Variants in STAU2 observed in about 807,000 individuals in gnomAD.
STAU2 encodes the protein staufen double-stranded RNA binding protein 2.
STAU2 carries 20 observed loss-of-function variants against 65.9 expected under a neutral mutation model. That is an observed-to-expected ratio of 0.30 (90% CI 0.21 to 0.44). The LOEUF (loss-of-function observed/expected upper bound fraction) is 0.44, where lower values mean the gene tolerates loss of function less well. Ranked by LOEUF, STAU2 falls within the 20% of genes least tolerant of loss-of-function variation. STAU2 has a pLI of 1.00. For missense variants in STAU2, 558 were observed against 683.9 expected (o/e 0.82, Z 2.05); for synonymous variants, 232 against 233.9 (o/e 0.99, Z 0.07).
At chr8:73,497,868 A>G (rs1821510778) in intron 13 of STAU2, among the ~76,000 whole-genome samples, 1 of 151,826 alleles carries the variant, frequency 6.6e-6, no homozygotes, top group African/African-American at 2.4e-5. Context: ...ATTATTTCTT[A>G]AAAAGAAGTG....
At chr8:73,464,739 G>T (rs1194565148) in intron 13 of STAU2, among the ~76,000 whole-genome samples, 1 of 152,304 alleles carries the variant, frequency 6.6e-6, no homozygotes, top group South Asian at 2.1e-4. Context: ...TCAAAGGAAA[G>T]ATTATAAAAG....
intron 6 of STAU2, among the ~76,000 whole-genome samples, chr8:73,635,359 G>A (rs1814409641): frequency 6.6e-6 from 1 of 152,132 alleles, no homozygotes; most frequent in Non-Finnish European, 1.5e-5. Flanking sequence ...GAACAGCATA[G>A]GATGCATTTC....
At chr8:73,538,656 C>A (rs1806333008) in intron 13 of STAU2, among the ~76,000 whole-genome samples, 1 of 45,478 alleles carries the variant, frequency 2.2e-5, no homozygotes, top group Non-Finnish European at 7.3e-5. Flanking sequence ...TAAAAGCTTT[C>A]TCCTTAAGTC....
At chr8:73,557,722 C>T (rs1195907459) in intron 12 of STAU2, among the ~76,000 whole-genome samples, 1 of 152,200 alleles carries the variant, frequency 6.6e-6, no homozygotes, top group Non-Finnish European at 1.5e-5. Context: ...TCTTTGACCT[C>T]AATTTTGCTC....
intron 13 of STAU2, among the ~76,000 whole-genome samples, chr8:73,540,265 T>A (rs967591609): frequency 6.6e-6 from 1 of 152,102 alleles, no homozygotes; most frequent in Non-Finnish European, 1.5e-5. Flanking sequence ...AGAATACACA[T>A]ACACAAAGGA....
intron 13 of STAU2, among the ~76,000 whole-genome samples, chr8:73,468,330 A>G (rs1260882178): frequency 6.6e-6 from 1 of 152,172 alleles, no homozygotes; most frequent in African/African-American, 2.4e-5. Context: ...GACTTAAATG[A>G]TAGACTAAAA....
intron 4 of STAU2, among the ~76,000 whole-genome samples, chr8:73,703,019 C>T (rs1724512899): frequency 6.6e-6 from 1 of 152,174 alleles, no homozygotes; most frequent in South Asian, 2.1e-4. Flanking sequence ...ACCTGCTATA[C>T]ATTCCTGACA....
At chr8:73,553,903 T>C (rs901839153) in intron 12 of STAU2, among the ~76,000 whole-genome samples, 23 of 152,190 alleles carry the variant, frequency 1.5e-4, no homozygotes, top group African/African-American at 5.3e-4. Flanking sequence ...GTAAATCACA[T>C]ATCTCCATTT....
intron 10 of STAU2, among the ~76,000 whole-genome samples, chr8:73,603,173 T>C (rs1811769183): frequency 6.6e-6 from 1 of 152,234 alleles, no homozygotes. Flanking sequence ...TTAGGCATTC[T>C]ACTTCATTCC....
At chr8:73,467,483 G>A (rs191299161) in intron 13 of STAU2, among the ~76,000 whole-genome samples, 3,299 of 152,266 alleles carry the variant, frequency 0.022, 114 homozygotes, top group African/African-American at 0.074. Context: ...AGTGAGCCGA[G>A]ATCGCGCCAC....
At chr8:73,737,362 G>T (rs1806508237) in intron 3 of STAU2, among the ~76,000 whole-genome samples, 1 of 151,550 alleles carries the variant, frequency 6.6e-6, no homozygotes, top group Non-Finnish European at 1.5e-5. Flanking sequence ...GTAGAGACGG[G>T]GTTTCCCCAT....
intron 11 of STAU2, among the ~76,000 whole-genome samples, chr8:73,591,728 T>G (rs1022988007): frequency 6.6e-6 from 1 of 150,538 alleles, no homozygotes; most frequent in Non-Finnish European, 1.5e-5. Flanking sequence ...GAAGTAGAAG[T>G]AGGAAAATCC....
rs114772709 is a variant in STAU2, at chr8:73,617,865, T to A, written c.411-414A>T. Reference sequence around the variant, plus strand: ...TGCAGAAGATAATTACGATTAGAAATATAGATTAGAAATGGACCGACTACA... The same window carrying A: ...TGCAGAAGATAATTACGATTAGAAAAATAGATTAGAAATGGACCGACTACA... On this transcript the variant is annotated intron_variant, in intron 6 of 14. Transcript: ENST00000524300. Among the ~76,000 whole-genome samples the A allele has an allele frequency of 4.0e-3, 607 of 150,660 alleles. 6 individuals are homozygous for A. The highest frequency in any genetic ancestry group is 0.014 in the African/African-American group (574 of 40,108).
At chr8:73,523,166 A>G (rs1323786629) in intron 13 of STAU2, among the ~76,000 whole-genome samples, 3 of 135,714 alleles carry the variant, frequency 2.2e-5, no homozygotes, top group Admixed American at 1.7e-4. Flanking sequence ...ACTGCACTCC[A>G]GCCTGGGTGA....
chr8:73,588,492 G>A (rs1176352227), intron 11 of STAU2, among the ~76,000 whole-genome samples: 1 of 152,218 alleles, frequency 6.6e-6, no homozygotes, highest in African/African-American at 2.4e-5. Context: ...GTGCAGGAAT[G>A]CAGCTGGTTA....
intron 3 of STAU2, among the ~76,000 whole-genome samples, chr8:73,724,560 G>T (rs1246649073): frequency 6.6e-6 from 1 of 151,212 alleles, no homozygotes; most frequent in African/African-American, 2.4e-5. Flanking sequence ...TATAAAATAG[G>T]GTGTATTTAG....
intron 12 of STAU2, among the ~76,000 whole-genome samples, chr8:73,573,307 C>T (rs200053679): frequency 1.1e-3 from 172 of 152,306 alleles, no homozygotes; most frequent in African/African-American, 3.9e-3. Flanking sequence ...GAATCAATAT[C>T]GTGAAAATGG....
chr8:73,730,198 A>C (rs1805944723), intron 3 of STAU2, among the ~76,000 whole-genome samples: 1 of 152,198 alleles, frequency 6.6e-6, no homozygotes, highest in Non-Finnish European at 1.5e-5. Context: ...TGCATCATTT[A>C]AGTCACATAT....
At chr8:73,425,059 C>T (rs970208631) in intron 13 of STAU2, among the ~76,000 whole-genome samples, 2 of 152,234 alleles carry the variant, frequency 1.3e-5, no homozygotes, top group East Asian at 3.9e-4. Context: ...GGGAGGTAGG[C>T]GCTAACTTCA....
Sources: allele counts gnomAD v4.1 joint callset (sites outside exome capture counted in the v4.1 genomes callset), GRCh38; gene constraint gnomAD v4.1.1; transcripts MANE v1.5; gene names NCBI Gene and HGNC (gene_info 2026-07-23, HGNC 2026-07-21).